SRD5A1: variants seen among roughly 807,000 people sequenced by gnomAD.
The protein encoded by SRD5A1 is 3-oxo-5-alpha-steroid 4-dehydrogenase 1.
Under a neutral mutation model 28.2 loss-of-function variants are expected in SRD5A1, and 22 were observed. The observed-to-expected ratio is 0.78, with a 90% confidence interval of 0.56 to 1.12. The LOEUF is 1.12. Ranked by LOEUF, SRD5A1 falls within the 50% of genes most tolerant of loss-of-function variation. SRD5A1 has a pLI of 0.00. For synonymous variants in SRD5A1, 151 were observed against 135.0 expected (o/e 1.12, Z -0.82); for missense variants, 300 against 346.7 (o/e 0.87, Z 1.07).
intron 1 of SRD5A1, among the ~76,000 whole-genome samples, chr5:6,634,405 A>C (rs1379886331): frequency 7.8e-6 from 1 of 127,408 alleles, no homozygotes; most frequent in African/African-American, 2.9e-5. Flanking sequence ...GTTCCCTTAG[A>C]TCACGACTGT....
At chr5:6,648,698 G>A (rs949019795) in intron 1 of SRD5A1, among the ~76,000 whole-genome samples, 1 of 152,020 alleles carries the variant, frequency 6.6e-6, no homozygotes, top group African/African-American at 2.4e-5. Context: ...TCCTTGCATT[G>A]GGTTAGAACA....
At chr5:6,668,179 C>A (rs370664249) in intron 4 of SRD5A1, 23 bp from the exon 5 acceptor site, 175 of 1,467,342 alleles carry the variant, frequency 1.2e-4, no homozygotes, top group Non-Finnish European at 1.5e-5. Flanking sequence ...GAATTATTTC[C>A]TTTTTTAATT....
intron 1 of SRD5A1, among the ~76,000 whole-genome samples, chr5:6,641,106 A>G (rs942604816): frequency 2.0e-5 from 3 of 152,102 alleles, no homozygotes; most frequent in African/African-American, 7.2e-5. Flanking sequence ...TCCATGAGTA[A>G]TTTATGTCCA....
intron 3 of SRD5A1, among the ~76,000 whole-genome samples, chr5:6,661,018 G>A (rs1738983494): frequency 1.3e-5 from 2 of 152,136 alleles, no homozygotes; most frequent in African/African-American, 4.8e-5. Context: ...ACCTCCCACT[G>A]GGTCCCTTCC....
At position 6,651,832 on chromosome 5, in the gene SRD5A1, G is replaced by A. The variant is rs1174628924; in HGVS notation, c.294-10G>A. On this transcript the variant is annotated splice_polypyrimidine_tract_variant and intron_variant, in intron 1 of 4. Coordinates refer to ENST00000274192, the MANE Select transcript of SRD5A1 (RefSeq NM_001047.4). ...TTTTAAAAAATTGTGCCTGTTTCTT[G>A]TTTCCTAAGGTGCTTAATTTACCCA... 4 of 1,577,746 alleles carry A rather than the reference G, an allele frequency of 2.5e-6. No individual in the cohort carries two copies. Among genetic ancestry groups the A allele is most frequent in the Admixed American group, 1.8e-5 (1 of 54,518 alleles).
At chr5:6,665,357 C>T (rs1739136290) in intron 4 of SRD5A1, among the ~76,000 whole-genome samples, 1 of 152,226 alleles carries the variant, frequency 6.6e-6, no homozygotes, top group Non-Finnish European at 1.5e-5. Context: ...TAACTTTGTT[C>T]TAGCAGCCAC....
chr5:6,671,094 G>A lies in SRD5A1; in HGVS notation c.*2826G>A, dbSNP rs1156315754. On this transcript the variant is annotated 3_prime_UTR_variant, in exon 5 of 5. Coordinates refer to ENST00000274192, the MANE Select transcript of SRD5A1 (RefSeq NM_001047.4). ...AGGAATTTCCACACTGTTTTCCATG[G>A]TGGCTCTAATAGTTTACATTCCCAC... The A allele has an allele frequency of 6.6e-6, 1 of 152,116 alleles. No homozygotes were observed. The highest frequency in any genetic ancestry group is 2.4e-5 in the African/African-American group (1 of 41,410). The allele number at this position is 152,116 out of a possible 1,614,324, so 9.4% of individuals were successfully genotyped here.
chr5:6,663,987 G>A (rs922189928), intron 4 of SRD5A1, among the ~76,000 whole-genome samples: 4 of 152,196 alleles, frequency 2.6e-5, no homozygotes, highest in Admixed American at 2.0e-4. Flanking sequence ...CCAGCCAGGA[G>A]CCCCATCTCA....
chr5:6,669,469 G>A lies in SRD5A1; in HGVS notation c.*1201G>A, dbSNP rs2126558818. The stretch of plus-strand genomic sequence containing the variant: ...GCTTTTTATCTTGATGAATTCATCT[G>A]GCATTGCTTTGCCTTATCATCTCAT... On this transcript the variant is annotated 3_prime_UTR_variant, in exon 5 of 5. Coordinates refer to ENST00000274192, the MANE Select transcript of SRD5A1 (RefSeq NM_001047.4). 6.6e-6 allele frequency: 1 copy of A among 152,176 alleles called. No individual in the cohort carries two copies. The highest frequency in any genetic ancestry group is 1.9e-4 in the East Asian group (1 of 5,176). 9.4% of individuals were successfully genotyped at this position (152,176 alleles called of 1,614,324 possible).
chr5:6,650,605 C>T (rs551319703), intron 1 of SRD5A1, among the ~76,000 whole-genome samples: 2 of 151,538 alleles, frequency 1.3e-5, no homozygotes, highest in African/African-American at 2.4e-5. Context: ...GTAAAATGCA[C>T]CTAAGCCAGT....
At chr5:6,639,750 C>T (rs1469869324) in intron 1 of SRD5A1, among the ~76,000 whole-genome samples, 1 of 152,058 alleles carries the variant, frequency 6.6e-6, no homozygotes, top group Non-Finnish European at 1.5e-5. Context: ...ATGTTAGGTG[C>T]CAGGACTTAA....
intron 1 of SRD5A1, chr5:6,645,162 A>T: frequency 2.7e-6 from 1 of 369,246 alleles, no homozygotes; most frequent in Admixed American, 3.4e-5. Context: ...GAGTGGCTTG[A>T]GGATGCACAG....
intron 4 of SRD5A1, 45 bp from the exon 5 acceptor site, chr5:6,668,157 G>A (rs900227564): frequency 8.0e-7 from 1 of 1,252,588 alleles, no homozygotes; most frequent in Non-Finnish European, 1.1e-6. Flanking sequence ...TTGGTTAAAT[G>A]TCTAAGCGAC....
At chr5:6,638,214 C>T (rs1738254756) in intron 1 of SRD5A1, among the ~76,000 whole-genome samples, 1 of 152,198 alleles carries the variant, frequency 6.6e-6, no homozygotes, top group Admixed American at 6.5e-5. Context: ...TGGCGCATGC[C>T]TGTAATCCCA....
Position 6,669,007 on chromosome 5 carries a change from A to T in SRD5A1, c.*739A>T, listed in dbSNP as rs1561008011. 1 of 151,934 alleles carries T rather than the reference A, an allele frequency of 6.6e-6. No homozygotes were observed. The highest frequency in any genetic ancestry group is 2.1e-4 in the South Asian group (1 of 4,802). 9.4% of individuals were successfully genotyped at this position (151,934 alleles called of 1,614,324 possible). On this transcript the variant is annotated 3_prime_UTR_variant, in exon 5 of 5. Transcript: ENST00000274192. The stretch of plus-strand genomic sequence containing the variant: ...AACAGGCACCTTTAGGCCATGGGTC[A>T]CTCACCGTGAGCCATCAATGTGCTC...
intron 2 of SRD5A1, among the ~76,000 whole-genome samples, chr5:6,653,990 G>A (rs911861896): frequency 1.3e-5 from 2 of 152,098 alleles, no homozygotes; most frequent in East Asian, 1.9e-4. Context: ...GGAAACAGAC[G>A]TGAAATTACA....
Position 6,633,558 on chromosome 5 carries a change from A to G in SRD5A1, c.-19A>G. ...CGCCGCGGCCTCTGGGGCATGGAGC[A>G]CGCTGCCCAGCCCTGGCGATGGCAA... is the stretch of plus-strand genomic sequence containing the variant. On this transcript the variant is annotated 5_prime_UTR_variant, in exon 1 of 5. Coordinates refer to ENST00000274192, the MANE Select transcript of SRD5A1 (RefSeq NM_001047.4). 6.7e-7 allele frequency: 1 copy of G among 1,491,318 alleles called. No individual in the cohort carries two copies. Among genetic ancestry groups the G allele is most frequent in the Non-Finnish European group, 8.9e-7 (1 of 1,128,128 alleles). The allele number at this position is 1,491,318 out of a possible 1,614,324, so 92.4% of individuals were successfully genotyped here. A position where few individuals can be genotyped will look rare whatever the true frequency, so the allele number is the denominator to read the frequency against.
At chr5:6,637,506 A>T (rs1738222337) in intron 1 of SRD5A1, among the ~76,000 whole-genome samples, 1 of 152,156 alleles carries the variant, frequency 6.6e-6, no homozygotes, top group Non-Finnish European at 1.5e-5. Flanking sequence ...GGGGCTTTGC[A>T]GACTGTGCCT....
chr5:6,646,177 TC>T (rs766084996), intron 1 of SRD5A1, among the ~76,000 whole-genome samples: 14 of 152,242 alleles, frequency 9.2e-5, no homozygotes, highest in Non-Finnish European at 1.8e-4. Flanking sequence ...TATGAACTCA[TC>T]CTTTTTTATG....
Sources: allele counts gnomAD v4.1 joint callset (sites outside exome capture counted in the v4.1 genomes callset), GRCh38; gene constraint gnomAD v4.1.1; transcripts MANE v1.5; gene names NCBI Gene and HGNC (gene_info 2026-07-23, HGNC 2026-07-21).